The following SSX2IP variants were observed in gnomAD, a reference collection of about 807,000 sequenced individuals.
SSX2IP encodes the protein SSX family member 2 interacting protein, also known as afadin- and alpha-actinin-binding protein.
SSX2IP carries 55 observed loss-of-function variants against 84.9 expected under a neutral mutation model. That is an observed-to-expected ratio of 0.65 (90% CI 0.52 to 0.81). The LOEUF (loss-of-function observed/expected upper bound fraction) is 0.81. SSX2IP is among the 30% of genes least tolerant of loss of function. The probability of loss-of-function intolerance (pLI) is 0.00; values close to 1 mark genes in which losing one functional copy is unlikely to be tolerated. For synonymous variants in SSX2IP, 239 were observed against 234.7 expected (o/e 1.02, Z -0.17); for missense variants, 664 against 705.2 (o/e 0.94, Z 0.66).
intron 1 of SSX2IP, among the ~76,000 whole-genome samples, chr1:84,683,991 A>G (rs1387275910): frequency 6.6e-6 from 1 of 152,230 alleles, no homozygotes; most frequent in East Asian, 1.9e-4. Context: ...TCAGCTAAGA[A>G]GTCCAAATCA....
chr1:84,656,392 G>C lies in SSX2IP; in HGVS notation c.1171C>G (p.Gln391Glu). 1.2e-6 allele frequency: 2 copies of C among 1,613,060 alleles called. No individual in the cohort carries two copies. Among genetic ancestry groups the C allele is most frequent in the Non-Finnish European group, 1.7e-6 (2 of 1,179,592 alleles). Residue 391 changes from glutamine to glutamate, a missense_variant, in exon 10 of 14, where the codon CAG (glutamine) becomes GAG (glutamate). Physicochemically the swap from Gln to Glu is conservative, Grantham distance 29. Coordinates refer to ENST00000342203, the MANE Select transcript of SSX2IP (RefSeq NM_001166293.2). The stretch of plus-strand genomic sequence containing the variant: ...GTTTTAATCATTTCTTTACACTGCT[G>C]AATTTCTAACTCGAGTTTTTCAGTT... ...QETEKLELEI[Q>E]QCKEMIKTQQ...
intron 3 of SSX2IP, 180 bp from the exon 4 acceptor site, chr1:84,670,073 CA>C: frequency 1.9e-6 from 1 of 530,420 alleles, no homozygotes; most frequent in Non-Finnish European, 3.3e-6. Flanking sequence ...ATTCTCACCA[CA>C]AAAAATGATA....
At chr1:84,669,996 T>G in intron 3 of SSX2IP, 103 bp from the exon 4 acceptor site, 4 of 782,856 alleles carry the variant, frequency 5.1e-6, no homozygotes, top group Non-Finnish European at 8.1e-6. Context: ...TTAATAGATC[T>G]ATTGTACAAC....
chr1:84,662,064 A>C (rs1652067098), intron 8 of SSX2IP, 134 bp downstream of exon 8: 2 of 601,092 alleles, frequency 3.3e-6, no homozygotes, highest in East Asian at 5.5e-5. Context: ...TTGTCACAGT[A>C]ATTGAAAGTA....
At chr1:84,673,628 T>C (rs76468048) in intron 1 of SSX2IP, among the ~76,000 whole-genome samples, 6,697 of 152,220 alleles carry the variant, frequency 0.044, 171 homozygotes, top group African/African-American at 0.05. Flanking sequence ...GCTACTACAA[T>C]AGTTCAGGCA....
chr1:84,664,318 TAAC>T lies in SSX2IP; in HGVS notation c.673+96_673+98del, dbSNP rs1027499735. 2.5e-6 allele frequency: 3 copies of T among 1,205,412 alleles called. No individual in the cohort carries two copies. The African/African-American group carries it at 4.7e-5, about 19-fold the overall frequency. 74.7% of individuals were successfully genotyped at this position (1,205,412 alleles called of 1,614,324 possible). A position where few individuals can be genotyped will look rare whatever the true frequency, so the allele number is the denominator to read the frequency against. On this transcript the variant is annotated intron_variant, in intron 6 of 13. Coordinates refer to ENST00000342203, the MANE Select transcript of SSX2IP (RefSeq NM_001166293.2). ...AAATCAATTGTATAAAGCATGAAAA[TAAC>T]ATTTCGTGAGTTACTGTGTTCAATC...
intron 11 of SSX2IP, 53 bp downstream of exon 11, chr1:84,655,777 ACT>A (rs1650995027): frequency 6.4e-7 from 1 of 1,573,504 alleles, no homozygotes; most frequent in African/African-American, 1.4e-5. Flanking sequence ...GAAGCATTCT[ACT>A]GAGGCCCACC....
intron 1 of SSX2IP, among the ~76,000 whole-genome samples, chr1:84,679,650 G>A (rs565265734): frequency 2.7e-4 from 41 of 152,274 alleles, no homozygotes; most frequent in African/African-American, 9.4e-4. Flanking sequence ...TTAAAATGGG[G>A]TGATGATAAT....
chr1:84,677,239 T>C (rs758434672), intron 1 of SSX2IP, among the ~76,000 whole-genome samples: 6 of 152,198 alleles, frequency 3.9e-5, no homozygotes, highest in Non-Finnish European at 7.3e-5. Flanking sequence ...ACTTGTAAAA[T>C]TGGTCTCTGC....
chr1:84,648,692 T>G (rs1649790932), intron 13 of SSX2IP, among the ~76,000 whole-genome samples: 1 of 152,214 alleles, frequency 6.6e-6, no homozygotes, highest in Non-Finnish European at 1.5e-5. Context: ...TGGCTAGAAT[T>G]TGTGTCTATA....
At chr1:84,669,972 T>G in intron 3 of SSX2IP, 79 bp from the exon 4 acceptor site, 1 of 993,878 alleles carries the variant, frequency 1.0e-6, no homozygotes, top group Non-Finnish European at 1.5e-6. Flanking sequence ...TTCAGTTAGA[T>G]AGGAAGAATA....
chr1:84,663,203 A>T lies in SSX2IP; in HGVS notation c.674-673T>A, dbSNP rs189992760. ...GGTGGACATGGAAACATTTGGCGTA[A>T]AAAGGAAAAAGAGTAAATTATTATA... On this transcript the variant is annotated intron_variant, in intron 6 of 13. Coordinates refer to ENST00000342203, the MANE Select transcript of SSX2IP (RefSeq NM_001166293.2). Among the ~76,000 whole-genome samples, 57 of 152,282 alleles carry T rather than the reference A, an allele frequency of 3.7e-4. 1 individual carries two copies. The East Asian group carries it at 0.011, about 29-fold the overall frequency.
chr1:84,663,896 T>G (rs1652392702), intron 6 of SSX2IP, among the ~76,000 whole-genome samples: 1 of 152,178 alleles, frequency 6.6e-6, no homozygotes, highest in African/African-American at 2.4e-5. Context: ...TGAAATGGCT[T>G]AAAGTTTTGA....
chr1:84,674,735 A>G (rs1416321857), intron 1 of SSX2IP, among the ~76,000 whole-genome samples: 3 of 152,194 alleles, frequency 2.0e-5, no homozygotes, highest in Non-Finnish European at 4.4e-5. Flanking sequence ...AAATGTTTAC[A>G]ATGAAAACCA....
At chr1:84,656,203 C>T (rs917346541) in intron 10 of SSX2IP, 145 bp downstream of exon 10, 53 of 933,324 alleles carry the variant, frequency 5.7e-5, no homozygotes, top group Middle Eastern at 3.4e-4. Context: ...AGGAGTGGTA[C>T]ACAATGTATC....
At chr1:84,652,261 C>T (rs1383544460) in intron 11 of SSX2IP, 4 of 322,198 alleles carry the variant, frequency 1.2e-5, no homozygotes, top group African/African-American at 4.2e-5. Context: ...TGTCTCTACA[C>T]GAAATACAAA....
intron 2 of SSX2IP, 41 bp downstream of exon 2, chr1:84,671,136 A>T (rs1283227173): frequency 6.3e-7 from 1 of 1,596,324 alleles, no homozygotes; most frequent in African/African-American, 1.3e-5. Flanking sequence ...ATTCACCTTT[A>T]CAGTTTCTGC....
chr1:84,674,600 T>C lies in SSX2IP; in HGVS notation c.-89-3292A>G, dbSNP rs142664861. Among the ~76,000 whole-genome samples, 467 of 152,320 alleles carry C rather than the reference T, an allele frequency of 3.1e-3. 3 individuals carry two copies. Among genetic ancestry groups the C allele is most frequent in the African/African-American group, 0.011 (443 of 41,578 alleles). ...TCCTTATACAGAAAGAACACCAAAA[T>C]GTGTCTATTATATATCCATTCTTTA... On this transcript the variant is annotated intron_variant, in intron 1 of 13. Coordinates refer to ENST00000342203, the MANE Select transcript of SSX2IP (RefSeq NM_001166293.2).
intron 8 of SSX2IP, 25 bp downstream of exon 8, chr1:84,662,173 T>G (rs768034153): frequency 6.8e-7 from 1 of 1,466,922 alleles, no homozygotes; most frequent in Non-Finnish European, 9.3e-7. Flanking sequence ...CTGAAGACTG[T>G]ATTAGAGAGG....
Sources: allele counts gnomAD v4.1 joint callset (sites outside exome capture counted in the v4.1 genomes callset), GRCh38; gene constraint gnomAD v4.1.1; transcripts MANE v1.5; gene names NCBI Gene and HGNC (gene_info 2026-07-23, HGNC 2026-07-21).